The following AK7 variants were observed in gnomAD, a reference collection of about 807,000 sequenced individuals.
AK7 encodes ATP-AMP transphosphorylase 7.
In AK7, 78 loss-of-function variants were observed where a neutral mutation model predicts 96.6. The observed-to-expected ratio is 0.81, with a 90% CI of 0.67 to 0.97. The LOEUF (loss-of-function observed/expected upper bound fraction) is 0.97. Ranked by LOEUF, AK7 falls within the 50% of genes least tolerant of loss-of-function variation. The pLI is 0.00. For missense variants in AK7, 855 were observed against 887.9 expected (o/e 0.96, Z 0.47); for synonymous variants, 302 against 317.2 (o/e 0.95, Z 0.51).
At chr14:96,461,384 A>G (rs1262409264) in intron 12 of AK7, among the ~76,000 whole-genome samples, 1 of 152,178 alleles carries the variant, frequency 6.6e-6, no homozygotes. Flanking sequence ...GTGGAAGGAA[A>G]TCTGTCAAGG....
intron 5 of AK7, chr14:96,423,739 C>G: frequency 1.4e-6 from 1 of 717,680 alleles, no homozygotes; most frequent in Non-Finnish European, 2.6e-6. Flanking sequence ...CATAGTCGTC[C>G]CACTCGGCCT....
chr14:96,418,970 C>A (rs558475730), intron 4 of AK7, among the ~76,000 whole-genome samples: 84 of 152,332 alleles, frequency 5.5e-4, no homozygotes, highest in Non-Finnish European at 8.5e-4. Context: ...AACCCTGAAA[C>A]CCTGCTCCAA....
intron 15 of AK7, among the ~76,000 whole-genome samples, 181 bp downstream of exon 15, chr14:96,478,843 T>C (rs1253942352): frequency 6.6e-6 from 1 of 151,482 alleles, no homozygotes; most frequent in Non-Finnish European, 1.5e-5. Flanking sequence ...GGGGATTTGG[T>C]GGTGGGAGGG....
intron 6 of AK7, among the ~76,000 whole-genome samples, chr14:96,440,422 T>C (rs1280550349): frequency 6.6e-6 from 1 of 152,208 alleles, no homozygotes; most frequent in Non-Finnish European, 1.5e-5. Context: ...CCTTTTTTCT[T>C]CACCCTCTGC....
rs1895913360 is a variant in AK7 at position 96,488,800 on chromosome 14, A to G, written c.*457A>G. On this transcript the variant is annotated 3_prime_UTR_variant, in exon 18 of 18. Coordinates refer to ENST00000267584, the MANE Select transcript of AK7 (RefSeq NM_152327.5). ...TGCCTGTTGACTCACAGTAAATCAG[A>G]CAAGATTGGTGCCTGTAAGGTGGCT... 1 of 150,228 alleles carries G rather than the reference A, an allele frequency of 6.7e-6. No individual in the cohort carries two copies. The highest frequency in any genetic ancestry group is 1.5e-5 in the Non-Finnish European group (1 of 67,958). The allele number at this position is 150,228 out of a possible 1,614,324, so 9.3% of individuals were successfully genotyped here.
intron 10 of AK7, 70 bp from the exon 11 acceptor site, chr14:96,456,277 A>G: frequency 6.8e-7 from 1 of 1,476,608 alleles, no homozygotes; most frequent in Non-Finnish European, 9.0e-7. Context: ...CCCCTGAAAT[A>G]AAAAACCACT....
intron 10 of AK7, among the ~76,000 whole-genome samples, chr14:96,455,275 A>T (rs1273309030): frequency 2.6e-5 from 4 of 152,140 alleles, no homozygotes; most frequent in African/African-American, 9.7e-5. Context: ...CCTTGAGTGC[A>T]GGAGTTTGGG....
chr14:96,437,254 G>A (rs901941490), intron 5 of AK7, among the ~76,000 whole-genome samples: 3 of 150,872 alleles, frequency 2.0e-5, no homozygotes, highest in Non-Finnish European at 4.5e-5. Flanking sequence ...TTGAAGGGAT[G>A]GATACCCCAT....
intron 5 of AK7, among the ~76,000 whole-genome samples, chr14:96,430,602 A>G (rs1216646466): frequency 6.6e-6 from 1 of 152,100 alleles, no homozygotes; most frequent in Non-Finnish European, 1.5e-5. Context: ...TGTATGTTGA[A>G]CCAGCCTTGC....
At chr14:96,395,052 A>G (rs972460760) in intron 1 of AK7, among the ~76,000 whole-genome samples, 1 of 152,142 alleles carries the variant, frequency 6.6e-6, no homozygotes, top group Non-Finnish European at 1.5e-5. Flanking sequence ...GTTTAGAGAC[A>G]TGGGTCTCAT....
At chr14:96,480,041 T>C (rs1895425328) in intron 15 of AK7, among the ~76,000 whole-genome samples, 1 of 152,158 alleles carries the variant, frequency 6.6e-6, no homozygotes, top group Non-Finnish European at 1.5e-5. Flanking sequence ...ACGGTAGAGA[T>C]GAGAGATACG....
rs1172936912 is a variant in AK7 at position 96,395,800 on chromosome 14, A to ATTTT, written c.106-2248_106-2245dup. Among the ~76,000 whole-genome samples the ATTTT allele has an allele frequency of 1.2e-3, 81 of 69,044 alleles. 2 individuals are homozygous for ATTTT. Among genetic ancestry groups the ATTTT allele is most frequent in the African/African-American group, 2.4e-3 (42 of 17,148 alleles). The allele number at this position is 69,044 out of a possible 152,430, so 45.3% of individuals were successfully genotyped here. ...TAAATTAATCCCCTTTTGATTTTGAATTTTTTTTTTTTTTTTTTTTTTTTT... is the reference window on the plus strand; with the variant it reads ...TAAATTAATCCCCTTTTGATTTTGAATTTTTTTTTTTTTTTTTTTTTTTTTTTTT... On this transcript the variant is annotated intron_variant, in intron 1 of 17. Coordinates refer to ENST00000267584, the MANE Select transcript of AK7 (RefSeq NM_152327.5).
intron 12 of AK7, among the ~76,000 whole-genome samples, chr14:96,459,617 T>G (rs978926325): frequency 2.0e-5 from 3 of 151,772 alleles, no homozygotes; most frequent in Non-Finnish European, 1.5e-5. Context: ...CCCTTTGTAA[T>G]CCCTTTGTAA....
At chr14:96,451,645 C>T (rs1008759983) in intron 10 of AK7, 75 bp downstream of exon 10, 54 of 1,304,126 alleles carry the variant, frequency 4.1e-5, no homozygotes, top group East Asian at 8.4e-5. Context: ...ATGATGCCAA[C>T]GGAAGTATTT....
intron 14 of AK7, among the ~76,000 whole-genome samples, chr14:96,475,172 A>C (rs1895104559): frequency 6.6e-6 from 1 of 152,218 alleles, no homozygotes; most frequent in African/African-American, 2.4e-5. Context: ...GTTGTTAGCA[A>C]ACTTTTCAGA....
At chr14:96,469,025 C>G (rs1459601525) in intron 12 of AK7, among the ~76,000 whole-genome samples, 1 of 152,064 alleles carries the variant, frequency 6.6e-6, no homozygotes, top group Non-Finnish European at 1.5e-5. Context: ...TGTACTGGGT[C>G]ATGCCTTGTA....
At chr14:96,463,936 G>A (rs181423589) in intron 12 of AK7, among the ~76,000 whole-genome samples, 189 of 152,206 alleles carry the variant, frequency 1.2e-3, no homozygotes, top group Non-Finnish European at 8.4e-4. Context: ...AAGCCTGGAC[G>A]TGGCTGCATG....
At chr14:96,473,161 A>G (rs1894990744) in intron 14 of AK7, among the ~76,000 whole-genome samples, 1 of 145,172 alleles carries the variant, frequency 6.9e-6, no homozygotes, top group Admixed American at 7.0e-5. Flanking sequence ...GCCTGCCACC[A>G]TGCCCAGCTA....
Position 96,471,575 on chromosome 14 carries a change from G to A in AK7, c.1455G>A (p.Lys485=), listed in dbSNP as rs749031486. The A allele has an allele frequency of 6.3e-7, 1 of 1,596,844 alleles. No homozygotes were observed. The highest frequency in any genetic ancestry group is 2.3e-5 in the East Asian group (1 of 44,306). Residue 485 remains lysine, a synonymous_variant, in exon 13 of 18, where the codon AAG becomes AAA. Coordinates refer to ENST00000267584, the MANE Select transcript of AK7 (RefSeq NM_152327.5). ...GTTATATTTTGGATGGATTCCCAAAGACCTATGATCAAGCAAAAGACCTGT... is the reference window on the plus strand; with the variant it reads ...GTTATATTTTGGATGGATTCCCAAAAACCTATGATCAAGCAAAAGACCTGT... ...NQGYILDGFP[K]TYDQAKDLFN...
Sources: gnomAD v4.1 joint callset for allele counts (sites outside exome capture counted in the v4.1 genomes callset) on GRCh38, gnomAD v4.1.1 for gene constraint, MANE v1.5 for transcripts, NCBI Gene and HGNC (gene_info 2026-07-23, HGNC 2026-07-21) for gene names.